Variants in EPHB2 observed in about 807,000 individuals in gnomAD.
The protein encoded by EPHB2 is ephrin type-B receptor 2.
EPHB2 carries 18 observed loss-of-function variants against 96.4 expected under a neutral mutation model. That is an observed-to-expected ratio of 0.19 (90% CI 0.13 to 0.28). EPHB2 has a LOEUF of 0.28. Ranked by LOEUF, EPHB2 falls within the 10% of genes least tolerant of loss-of-function variation. The pLI, the probability that EPHB2 is intolerant of heterozygous loss-of-function variation, is 1.00. For synonymous variants in EPHB2, 506 were observed against 534.1 expected (o/e 0.95, Z 0.72); for missense variants, 989 against 1,355.4 (o/e 0.73, Z 4.25).
At position 22,846,143 on chromosome 1, in the gene EPHB2, G is replaced by A. The variant is rs1009944834; in HGVS notation, c.812-16894G>A. Among the ~76,000 whole-genome samples the A allele has an allele frequency of 6.6e-6, 1 of 152,196 alleles. No individual in the cohort carries two copies. The highest frequency in any genetic ancestry group is 2.4e-5 in the African/African-American group (1 of 41,442). ...CAAGAATGTCCCAGGGCGTGGCCAGGTGCGGTGGTTCACACCTGTAATCCT... is the reference window on the plus strand; with the variant it reads ...CAAGAATGTCCCAGGGCGTGGCCAGATGCGGTGGTTCACACCTGTAATCCT... On this transcript the variant is annotated intron_variant, in intron 3 of 15. Coordinates refer to ENST00000374630, the MANE Select transcript of EPHB2 (RefSeq NM_017449.5). This position sits in a 1 kb window ranked among gnomAD's most constrained non-coding sequence, Gnocchi z 4.3.
intron 1 of EPHB2, among the ~76,000 whole-genome samples, chr1:22,744,460 TTATA>T (rs147549580): frequency 6.8e-6 from 1 of 146,930 alleles, no homozygotes; most frequent in African/African-American, 2.5e-5. Flanking sequence ...ATTTTGTATG[TTATA>T]TATATATATA....
At chr1:22,862,689 A>T (rs977624493) in intron 3 of EPHB2, among the ~76,000 whole-genome samples, 4 of 152,208 alleles carry the variant, frequency 2.6e-5, no homozygotes, top group African/African-American at 4.8e-5. Context: ...GACATTATTA[A>T]GCAAGACCAG....
At chr1:22,823,437 G>A (rs10917310) in intron 3 of EPHB2, among the ~76,000 whole-genome samples, 18 of 152,174 alleles carry the variant, frequency 1.2e-4, no homozygotes, top group African/African-American at 3.4e-4. Context: ...CTTTAAGGAG[G>A]TTTGTGAACC....
rs1296707688 is a variant in EPHB2, at chr1:22,872,915, C to A, written c.1303+7703C>A. Among the ~76,000 whole-genome samples, 3 of 152,180 alleles carry A rather than the reference C, an allele frequency of 2.0e-5. No homozygotes were observed. In the East Asian group the frequency reaches 5.8e-4, roughly 29 times the overall value. ...TGCTTATGCCTGAGACCACGAGGTT[C>A]GAGAGGGAGATAGAGGGAGAGGGCA... On this transcript the variant is annotated intron_variant, in intron 5 of 15. Transcript: ENST00000374630.
At chr1:22,818,601 G>A (rs564893369) in intron 3 of EPHB2, among the ~76,000 whole-genome samples, 4 of 152,212 alleles carry the variant, frequency 2.6e-5, no homozygotes, top group Non-Finnish European at 4.4e-5. Flanking sequence ...GACACCCTCC[G>A]GCCCAGCCTT....
chr1:22,825,542 C>G (rs75104565), intron 3 of EPHB2, among the ~76,000 whole-genome samples: 2,154 of 152,322 alleles, frequency 0.014, 42 homozygotes, highest in African/African-American at 0.049. Flanking sequence ...GCTTACACCT[C>G]ACTCCCATCC....
chr1:22,897,759 C>T (rs1639613684), intron 9 of EPHB2, among the ~76,000 whole-genome samples: 1 of 151,708 alleles, frequency 6.6e-6, no homozygotes, highest in Non-Finnish European at 1.5e-5. Context: ...TGCACTCCAG[C>T]CTGGGTGACA....
chr1:22,776,897 C>G (rs1187591545), intron 1 of EPHB2, among the ~76,000 whole-genome samples: 1 of 152,234 alleles, frequency 6.6e-6, no homozygotes, highest in African/African-American at 2.4e-5. Context: ...GTGCCAAGCC[C>G]TGTGCTAGGT....
Position 22,784,490 on chromosome 1 carries a change from C to A in EPHB2, c.225C>A (p.Thr75=). ...CAAGCCAGAACAACTGGCTACGGACCAAGTTTATCCGGCGCCGTGGCGCCC... is the reference window on the plus strand; with the variant it reads ...CAAGCCAGAACAACTGGCTACGGACAAAGTTTATCCGGCGCCGTGGCGCCC... ...FESSQNNWLR[T]KFIRRRGAHR... is the part of the protein sequence containing the mutation. The change falls in exon 3 of 16, where the codon ACC becomes ACA. Residue 75 remains threonine (T), a synonymous_variant. Transcript: ENST00000374630. This position sits in a 1 kb window ranked among gnomAD's most constrained non-coding sequence, Gnocchi z 5.1. 6.2e-7 allele frequency: 1 copy of A among 1,613,864 alleles called. No homozygotes were observed. The highest frequency in any genetic ancestry group is 8.5e-7 in the Non-Finnish European group (1 of 1,179,714).
At position 22,913,349 on chromosome 1, in the gene EPHB2, C is replaced by T; in HGVS notation, c.2853-113C>T. ...CTGCCCACTCCCCACTCCCCACTCC[C>T]CAGTACTCCTTGCTTTGCCATCTTC... On this transcript the variant is annotated intron_variant, in intron 15 of 15. Transcript: ENST00000374630. The surrounding 1 kb of genome is among the most constrained non-coding windows in gnomAD (Gnocchi z 4.1). The T allele has an allele frequency of 1.4e-6, 2 of 1,398,778 alleles. No individual in the cohort carries two copies. Among genetic ancestry groups the T allele is most frequent in the Non-Finnish European group, 9.9e-7 (1 of 1,009,854 alleles). 86.6% of individuals were successfully genotyped at this position (1,398,778 alleles called of 1,614,324 possible).
intron 1 of EPHB2, among the ~76,000 whole-genome samples, chr1:22,761,352 A>G (rs1471115910): frequency 6.6e-6 from 1 of 152,162 alleles, no homozygotes; most frequent in Non-Finnish European, 1.5e-5. Context: ...GGAGATAATT[A>G]TTATTTTGTA....
In EPHB2 at chr1:22,786,506, G is replaced by T. The variant is rs145013690; in HGVS notation, c.811+1430G>T. Among the ~76,000 whole-genome samples the T allele has an allele frequency of 4.2e-3, 647 of 152,326 alleles. 7 individuals carry two copies. The highest frequency in any genetic ancestry group is 0.015 in the African/African-American group (625 of 41,566). Reference sequence around the variant, plus strand: ...AGGCCAGGGATACTTTAGCCTGGGGGTGGTTGCAGTGATCCTTACGTGATA... The same window carrying T: ...AGGCCAGGGATACTTTAGCCTGGGGTTGGTTGCAGTGATCCTTACGTGATA... On this transcript the variant is annotated intron_variant, in intron 3 of 15. Coordinates refer to ENST00000374630, the MANE Select transcript of EPHB2 (RefSeq NM_017449.5).
intron 1 of EPHB2, among the ~76,000 whole-genome samples, chr1:22,727,892 C>T (rs1643620107): frequency 6.6e-6 from 1 of 151,714 alleles, no homozygotes; most frequent in Admixed American, 6.6e-5. Context: ...ATCCTCCTGC[C>T]CCAGCCTCCC....
At chr1:22,786,572 G>A (rs371104723) in intron 3 of EPHB2, among the ~76,000 whole-genome samples, 30 of 152,256 alleles carry the variant, frequency 2.0e-4, no homozygotes, top group South Asian at 1.2e-3. Flanking sequence ...TTCCTCCCTC[G>A]GAGACAAGCA....
chr1:22,797,780 T>C (rs1246580207), intron 3 of EPHB2, among the ~76,000 whole-genome samples: 1 of 151,952 alleles, frequency 6.6e-6, no homozygotes, highest in Admixed American at 6.6e-5. Flanking sequence ...ATCTTTCCCT[T>C]CTCTCACCTT....
At chr1:22,767,281 C>T (rs1237974611) in intron 1 of EPHB2, among the ~76,000 whole-genome samples, 3 of 152,146 alleles carry the variant, frequency 2.0e-5, no homozygotes, top group Non-Finnish European at 2.9e-5. Context: ...GGTCTGATTC[C>T]ATGCTGCCAC....
intron 3 of EPHB2, among the ~76,000 whole-genome samples, chr1:22,831,809 A>G (rs998118853): frequency 6.6e-6 from 1 of 152,120 alleles, no homozygotes; most frequent in Non-Finnish European, 1.5e-5. Flanking sequence ...GGGCTCTTCA[A>G]GGGCTCAAGA....
chr1:22,748,112 A>G (rs1014509386), intron 1 of EPHB2, among the ~76,000 whole-genome samples: 3 of 152,178 alleles, frequency 2.0e-5, no homozygotes, highest in Admixed American at 6.5e-5. Context: ...TAGTTTCCCC[A>G]TCTGTAAAAT....
At chr1:22,838,487 A>G (rs1198247106) in intron 3 of EPHB2, among the ~76,000 whole-genome samples, 1 of 152,252 alleles carries the variant, frequency 6.6e-6, no homozygotes, top group Non-Finnish European at 1.5e-5. Flanking sequence ...AAATGGAATC[A>G]TAAGCCCTGT....
Sources: allele counts gnomAD v4.1 joint callset (sites outside exome capture counted in the v4.1 genomes callset), GRCh38; gene constraint gnomAD v4.1.1; non-coding constraint Gnocchi (gnomAD v3.1); transcripts MANE v1.5; gene names NCBI Gene and HGNC (gene_info 2026-07-23, HGNC 2026-07-21).